Variants in ANKAR observed in about 807,000 individuals in gnomAD.
The protein encoded by ANKAR is ankyrin and armadillo repeat containing, also known as ankyrin and armadillo repeat-containing protein.
A neutral mutation model predicts 146.2 loss-of-function variants in ANKAR; 136 were observed. That is an observed-to-expected ratio of 0.93 (90% CI 0.81 to 1.07). The LOEUF is 1.07. Among genes scored for constraint, ANKAR ranks in the 50% least tolerant of loss-of-function variants. ANKAR has a pLI of 0.00. For synonymous variants in ANKAR, 500 were observed against 575.8 expected (o/e 0.87, Z 1.88); for missense variants, 1,567 against 1,679.9 (o/e 0.93, Z 1.18).
chr2:189,680,534 G>A (rs1371010258), intron 2 of ANKAR, among the ~76,000 whole-genome samples: 2 of 151,752 alleles, frequency 1.3e-5, no homozygotes, highest in African/African-American at 4.8e-5. Context: ...ACCTTAGATT[G>A]TCTATTTGTG....
At chr2:189,747,339 A>AAC (rs2044285671), downstream of ANKAR, 1 of 3,354 alleles carries the variant, frequency 3.0e-4, no homozygotes, top group Admixed American at 5.0e-3. Flanking sequence ...ACCCTGTCTC[A>AAC]AAAAAAAAAA....
chr2:189,745,190 C>T (rs78092899), intron 22 of ANKAR, among the ~76,000 whole-genome samples: 31 of 146,220 alleles, frequency 2.1e-4, no homozygotes, highest in African/African-American at 7.3e-4. Context: ...GACTCTGTCT[C>T]AAAAAAAAAA....
chr2:189,715,404 C>T (rs1396153406), intron 10 of ANKAR, among the ~76,000 whole-genome samples: 1 of 152,178 alleles, frequency 6.6e-6, no homozygotes, highest in African/African-American at 2.4e-5. Context: ...AGTTGAATCT[C>T]TGAATAGACC....
In ANKAR at chr2:189,676,677, T is replaced by A; in HGVS notation, c.187T>A (p.Ser63Thr). 6.2e-7 allele frequency: 1 copy of A among 1,614,148 alleles called. No homozygotes were observed. Among genetic ancestry groups the A allele is most frequent in the Non-Finnish European group, 8.5e-7 (1 of 1,180,038 alleles). Reference protein sequence around the residue: ...SWLSAKEDVRSQVDLPCGIMS... With the variant: ...SWLSAKEDVRTQVDLPCGIMS... ...GTTGTCTGCCAAAGAGGATGTGCGC[T>A]CTCAAGTAGACCTCCCATGTGGAAT... Residue 63 changes from serine (S) to threonine (T), a missense_variant, in exon 2 of 23, where the codon TCT (serine) becomes ACT (threonine). Ser to Thr is a moderately conservative substitution (Grantham distance 58). Coordinates refer to ENST00000684021, the MANE Select transcript of ANKAR (RefSeq NM_001378068.1).
chr2:189,755,186 T>C lies in ANKAR; in HGVS notation c.*585-5912T>C, dbSNP rs547700126. The stretch of plus-strand genomic sequence containing the variant: ...ATTCTTAATTACCTTGTCAAGCATG[T>C]CACCTGGTGCTATGTCCAAAGACTT... On this transcript the variant is annotated intron_variant and NMD_transcript_variant, in intron 18 of 18. Transcript: ENST00000441800. 1.2e-5 allele frequency: 20 copies of C among 1,603,886 alleles called. No individual in the cohort carries two copies. In the South Asian group the frequency reaches 2.1e-4, roughly 17 times the overall value.
intron 6 of ANKAR, among the ~76,000 whole-genome samples, chr2:189,695,368 T>G (rs2037050878): frequency 6.6e-6 from 1 of 152,260 alleles, no homozygotes; most frequent in Non-Finnish European, 1.5e-5. Context: ...GGATTGTGAT[T>G]AATCTCAATA....
At chr2:189,716,481 G>A (rs1168769751) in intron 10 of ANKAR, among the ~76,000 whole-genome samples, 2 of 152,034 alleles carry the variant, frequency 1.3e-5, no homozygotes, top group African/African-American at 2.4e-5. Flanking sequence ...TCATGGATAG[G>A]AAGAATCAAT....
Position 189,711,052 on chromosome 2 carries a change from T to C in ANKAR, c.2123T>C (p.Met708Thr). The C allele has an allele frequency of 6.2e-7, 1 of 1,611,068 alleles. No homozygotes were observed. Among genetic ancestry groups the C allele is most frequent in the Non-Finnish European group, 8.5e-7 (1 of 1,178,668 alleles). Residue 708 changes from methionine (M) to threonine (T), a missense_variant, in exon 10 of 23, where the codon ATG (methionine) becomes ACG (threonine). Physicochemically the swap from Met to Thr is moderately conservative, Grantham distance 81. Transcript: ENST00000684021. ...ELPVWKTLVE[M>T]LQCESYKRRM... is the part of the protein sequence containing the mutation. ...TTTTCTGTTGAACACTTAACAGAAA[T>C]GTTACAGTGTGAAAGCTATAAACGA...
chr2:189,719,518 C>T, intron 10 of ANKAR, 54 bp from the exon 11 acceptor site: 2 of 1,481,196 alleles, frequency 1.4e-6, no homozygotes, highest in Non-Finnish European at 1.8e-6. Context: ...AAATTGACTA[C>T]AAATGGTTAC....
Position 189,728,739 on chromosome 2 carries a change from ATTGGTTCGCTTACTAAGAATTAG to A in ANKAR, c.3113_3135del (p.Leu1038TyrfsTer4). On this transcript the variant is annotated frameshift_variant, in exon 15 of 23. Coordinates refer to ENST00000684021, the MANE Select transcript of ANKAR (RefSeq NM_001378068.1). LOFTEE classifies it high-confidence loss of function. ...TATGTGAAGGGAATGGAATTGCACC[ATTGGTTCGCTTACTAAGAATTAG>A]TACGATTGCTGAAGGCACACTTCTC... 6.2e-7 allele frequency: 1 copy of A among 1,614,104 alleles called. No individual in the cohort carries two copies. The highest frequency in any genetic ancestry group is 8.5e-7 in the Non-Finnish European group (1 of 1,179,974).
At chr2:189,692,645 C>T (rs2036597988) in intron 4 of ANKAR, 2 of 390,688 alleles carry the variant, frequency 5.1e-6, no homozygotes, top group African/African-American at 2.1e-5. Flanking sequence ...AAGCTAGGTA[C>T]ATCTATCACC....
intron 19 of ANKAR, 121 bp downstream of exon 19, chr2:189,738,803 CTTATGT>C (rs750594280): frequency 6.7e-6 from 4 of 599,850 alleles, no homozygotes; most frequent in Non-Finnish European, 1.1e-5. Context: ...AAAGAACGAA[CTTATGT>C]TTATATCTAC....
intron 12 of ANKAR, among the ~76,000 whole-genome samples, chr2:189,727,184 A>T (rs2041968632): frequency 6.6e-6 from 1 of 152,186 alleles, no homozygotes; most frequent in African/African-American, 2.4e-5. Context: ...AGTACCAAAA[A>T]TACAAAACAA....
At chr2:189,690,930 T>G (rs1232084004) in intron 3 of ANKAR, among the ~76,000 whole-genome samples, 1 of 152,194 alleles carries the variant, frequency 6.6e-6, no homozygotes, top group Non-Finnish European at 1.5e-5. Flanking sequence ...GTATAGTGTA[T>G]ATTATTATTT....
At chr2:189,754,097 T>C (rs2045706831) in intron 18 of ANKAR, 2 of 1,612,006 alleles carry the variant, frequency 1.2e-6, no homozygotes, top group African/African-American at 1.3e-5. Flanking sequence ...TTAGGCACAA[T>C]CCAGGAATAT....
At position 189,728,368 on chromosome 2, in the gene ANKAR, C is replaced by T. The variant is rs761506947; in HGVS notation, c.2979C>T (p.Tyr993=). The stretch of plus-strand genomic sequence containing the variant: ...AATATATGGCAGAACAAATTGGATA[C>T]AGCTTTATAATAAATATGCTTTTGT... ...QQKYMAEQIG[Y]SFIINMLLSP... The change falls in exon 14 of 23, where the codon TAC becomes TAT. Residue 993 remains tyrosine (Y), a synonymous_variant. Coordinates refer to ENST00000684021, the MANE Select transcript of ANKAR (RefSeq NM_001378068.1). 2 of 1,612,394 alleles carry T rather than the reference C, an allele frequency of 1.2e-6. No homozygotes were observed. The highest frequency in any genetic ancestry group is 1.7e-6 in the Non-Finnish European group (2 of 1,179,518).
chr2:189,678,463 G>T (rs527658863), intron 2 of ANKAR, among the ~76,000 whole-genome samples: 68 of 151,936 alleles, frequency 4.5e-4, no homozygotes, highest in Non-Finnish European at 7.2e-4. Context: ...ATTTATGTTT[G>T]TTTTTGTTGC....
chr2:189,736,502 T>TTTTTTTTTGTGTGTGTGTGTG (rs1422561376), intron 17 of ANKAR, among the ~76,000 whole-genome samples: 1 of 141,986 alleles, frequency 7.0e-6, no homozygotes, highest in African/African-American at 2.6e-5. Flanking sequence ...TGACTGGGTT[T>TTTTTTTTTGTGTGTGTGTGTG]TGTGTGTGTG....
At chr2:189,697,599 A>G (rs1161793306) in intron 7 of ANKAR, among the ~76,000 whole-genome samples, 2 of 152,172 alleles carry the variant, frequency 1.3e-5, no homozygotes, top group African/African-American at 2.4e-5. Flanking sequence ...TACATAATGA[A>G]CCTAATTAAA....
Sources: allele counts gnomAD v4.1 joint callset (sites outside exome capture counted in the v4.1 genomes callset), GRCh38; gene constraint gnomAD v4.1.1; transcripts MANE v1.5; gene names NCBI Gene and HGNC (gene_info 2026-07-23, HGNC 2026-07-21).